The following MBNL3 variants were observed in gnomAD, a reference collection of about 807,000 sequenced individuals.
MBNL3 encodes the protein muscleblind like splicing regulator 3, also known as muscleblind-like protein 3.
MBNL3 carries 6 observed loss-of-function variants against 24.5 expected under a neutral mutation model. That is an observed-to-expected ratio of 0.25 (90% confidence interval 0.13 to 0.48). MBNL3 has a LOEUF of 0.48. MBNL3 is among the 20% of genes least tolerant of loss of function. The pLI is 0.99. For missense variants in MBNL3, 230 were observed against 293.5 expected, an observed-to-expected ratio of 0.78 and a Z score of 1.58; for synonymous variants, 100 against 101.7, an observed-to-expected ratio of 0.98 and a Z score of 0.10.
chrX:132,384,234 T>C (rs946976409), intron 7 of MBNL3, among the ~76,000 whole-genome samples: 2 of 112,286 alleles, frequency 1.8e-5, no homozygotes, highest in African/African-American at 3.2e-5. Context: ...CATAGGAACA[T>C]TGAATGCTTT....
intron 1 of MBNL3, among the ~76,000 whole-genome samples, chrX:132,463,109 C>T (rs1427830269): frequency 3.6e-5 from 4 of 112,483 alleles, no homozygotes; most frequent in Non-Finnish European, 7.5e-5. Context: ...CTCATAATTA[C>T]GCACTCTCAT....
intron 2 of MBNL3, among the ~76,000 whole-genome samples, chrX:132,418,973 C>T (rs1603231506): frequency 8.9e-6 from 1 of 112,154 alleles, no homozygotes; most frequent in East Asian, 2.8e-4. Context: ...GGGGTTTCCC[C>T]GTGTTGCACA....
In MBNL3 at chrX:132,377,509, G is replaced by C. The variant is rs1603015933; in HGVS notation, c.*2157C>G. 1 of 111,045 alleles carries C rather than the reference G, an allele frequency of 9.0e-6. No individual in the cohort carries two copies. The highest frequency in any genetic ancestry group is 3.8e-4 in the South Asian group (1 of 2,656). The allele number at this position is 111,045 out of a possible 1,213,427, so 9.2% of individuals were successfully genotyped here. A position where few individuals can be genotyped will look rare whatever the true frequency, so the allele number is the denominator to read the frequency against. ...TCAACAGAGTATCAATTCCCAGAAA[G>C]CTAATTTTGCTCTCTTATATTCTGA... On this transcript the variant is annotated 3_prime_UTR_variant, in exon 9 of 9. Coordinates refer to ENST00000370853, the MANE Select transcript of MBNL3 (RefSeq NM_001386889.1).
chrX:132,443,514 T>C (rs1013311037), intron 1 of MBNL3, among the ~76,000 whole-genome samples: 2 of 112,197 alleles, frequency 1.8e-5, no homozygotes, highest in East Asian at 5.6e-4. Flanking sequence ...AACATTTATC[T>C]AGCATCTACT....
chrX:132,369,852 G>A lies in MBNL3; in HGVS notation c.*9814C>T, dbSNP rs993577421. The A allele has an allele frequency of 2.7e-5, 3 of 112,219 alleles. No individual in the cohort carries two copies. The Admixed American group carries it at 2.8e-4, about 11-fold the overall frequency. The allele number at this position is 112,219 out of a possible 1,213,427, so 9.2% of individuals were successfully genotyped here. ...GCACTTTGCACCGGATGCCCTGCCT[G>A]CCTTTTCACTGTGTTCTTTCCATGC... is the stretch of plus-strand genomic sequence containing the variant. On this transcript the variant is annotated 3_prime_UTR_variant, in exon 9 of 9. Coordinates refer to ENST00000370853, the MANE Select transcript of MBNL3 (RefSeq NM_001386889.1).
chrX:132,479,997 G>A (rs1569463017), intron 1 of MBNL3, among the ~76,000 whole-genome samples: 1 of 111,266 alleles, frequency 9.0e-6, no homozygotes, highest in Non-Finnish European at 1.9e-5. Flanking sequence ...CAAATTGAAG[G>A]CTTAGGAAGC....
intron 2 of MBNL3, among the ~76,000 whole-genome samples, chrX:132,412,813 A>G (rs1942915506): frequency 8.9e-6 from 1 of 112,277 alleles, no homozygotes. Context: ...CTCTTCAAAA[A>G]TGCATCATCT....
intron 1 of MBNL3, among the ~76,000 whole-genome samples, chrX:132,480,160 C>T (rs1947657079): frequency 9.0e-6 from 1 of 111,298 alleles, no homozygotes; most frequent in Non-Finnish European, 1.9e-5. Flanking sequence ...AAAACTGTTT[C>T]CTGGAAATGT....
At chrX:132,406,646 T>C (rs1941865786) in intron 2 of MBNL3, among the ~76,000 whole-genome samples, 2 of 111,896 alleles carry the variant, frequency 1.8e-5, no homozygotes, top group Admixed American at 1.9e-4. Context: ...AAAGTGTATT[T>C]TGGATCCTCA....
intron 5 of MBNL3, among the ~76,000 whole-genome samples, chrX:132,388,047 G>A (rs978694337): frequency 9.0e-6 from 1 of 111,167 alleles, no homozygotes; most frequent in African/African-American, 3.3e-5. Flanking sequence ...AATTCTTAAG[G>A]AAACAGGAAT....
chrX:132,473,415 T>C (rs990656182), intron 1 of MBNL3, among the ~76,000 whole-genome samples: 2 of 112,291 alleles, frequency 1.8e-5, no homozygotes, highest in African/African-American at 3.2e-5. Flanking sequence ...CATTTTTCTC[T>C]AGCATTGGGG....
intron 2 of MBNL3, among the ~76,000 whole-genome samples, chrX:132,420,417 G>C (rs1027392316): frequency 1.8e-5 from 2 of 111,023 alleles, no homozygotes; most frequent in Non-Finnish European, 3.8e-5. Context: ...GACCAGAAGA[G>C]TGTGCAGTAG....
chrX:132,407,232 T>A (rs1303090269), intron 2 of MBNL3, among the ~76,000 whole-genome samples: 1 of 112,290 alleles, frequency 8.9e-6, no homozygotes, highest in East Asian at 2.8e-4. Flanking sequence ...AGAATCAAGA[T>A]GTGTCCTTCA....
intron 8 of MBNL3, among the ~76,000 whole-genome samples, chrX:132,381,115 A>G (rs1298580457): frequency 8.9e-6 from 1 of 112,203 alleles, no homozygotes; most frequent in African/African-American, 3.2e-5. Context: ...AATAATAGGA[A>G]AACATTTAAG....
intron 3 of MBNL3, among the ~76,000 whole-genome samples, chrX:132,401,768 T>C (rs969259441): frequency 2.7e-5 from 3 of 111,528 alleles, no homozygotes; most frequent in African/African-American, 9.8e-5. Flanking sequence ...ATTAAAAACA[T>C]GAGTCTAAAA....
chrX:132,458,080 G>A (rs1323106553), intron 1 of MBNL3, among the ~76,000 whole-genome samples: 2 of 111,012 alleles, frequency 1.8e-5, no homozygotes, highest in Admixed American at 9.6e-5. Flanking sequence ...TTTATTCAGT[G>A]TATATCAATA....
At chrX:132,470,665 C>T (rs1340986905) in intron 1 of MBNL3, among the ~76,000 whole-genome samples, 1 of 111,751 alleles carries the variant, frequency 8.9e-6, no homozygotes, top group Admixed American at 9.5e-5. Flanking sequence ...TTGTGCCAAA[C>T]AGTCTTATTC....
intron 1 of MBNL3, among the ~76,000 whole-genome samples, chrX:132,473,266 T>C (rs1947270386): frequency 8.9e-6 from 1 of 112,088 alleles, no homozygotes; most frequent in African/African-American, 3.2e-5. Flanking sequence ...TGTAAAGCCA[T>C]TTGATTTGCT....
chrX:132,444,173 G>A (rs1190705999), intron 1 of MBNL3, among the ~76,000 whole-genome samples: 4 of 109,954 alleles, frequency 3.6e-5, no homozygotes, highest in African/African-American at 9.9e-5. Flanking sequence ...TTGTCACTGG[G>A]GGTTACAGTA....
Sources: allele counts gnomAD v4.1 joint callset (sites outside exome capture counted in the v4.1 genomes callset), GRCh38; gene constraint gnomAD v4.1.1; transcripts MANE v1.5; gene names NCBI Gene and HGNC (gene_info 2026-07-23, HGNC 2026-07-21).